The following TAOK1 variants were observed in gnomAD, a reference collection of about 807,000 sequenced individuals.
TAOK1 encodes the protein TAO kinase 1, also known as serine/threonine-protein kinase TAO1.
TAOK1 carries 21 observed loss-of-function variants against 138.3 expected under a neutral mutation model. The observed-to-expected ratio is 0.15, with a 90% CI of 0.11 to 0.22. The LOEUF (loss-of-function observed/expected upper bound fraction) is 0.22. Among genes scored for constraint, TAOK1 ranks in the 10% least tolerant of loss-of-function variants. TAOK1 has a pLI of 1.00. For missense variants in TAOK1, 651 were observed against 1,227.7 expected, an observed-to-expected ratio of 0.53 and a Z score of 7.02; for synonymous variants, 361 against 398.4, an observed-to-expected ratio of 0.91 and a Z score of 1.12.
intron 8 of TAOK1, among the ~76,000 whole-genome samples, chr17:29,489,106 AG>A (rs955580275): frequency 1.3e-5 from 2 of 152,204 alleles, no homozygotes; most frequent in Admixed American, 1.3e-4. Context: ...ACGATGCTTT[AG>A]GAAAATGTTC....
chr17:29,491,954 C>T (rs965094257), intron 10 of TAOK1, 89 bp downstream of exon 10: 97 of 964,908 alleles, frequency 1.0e-4, no homozygotes, highest in Admixed American at 9.4e-5. Context: ...GGCACAATCA[C>T]GTCTCCTGCA....
At chr17:29,450,564 T>C (rs2153024170) in intron 1 of TAOK1, among the ~76,000 whole-genome samples, 1 of 152,168 alleles carries the variant, frequency 6.6e-6, no homozygotes, top group East Asian at 1.9e-4. Context: ...CAGGCTGGAG[T>C]GCGGTGGTGT....
chr17:29,502,784 A>C (rs769549873), intron 13 of TAOK1, 61 bp downstream of exon 13: 76 of 1,553,642 alleles, frequency 4.9e-5, no homozygotes, highest in Non-Finnish European at 6.5e-5. Flanking sequence ...GGCAATATAA[A>C]CTCAAGTATA....
Position 29,455,437 on chromosome 17 carries a change from CTTT to C in TAOK1, c.132+3758_132+3760del, listed in dbSNP as rs2030351008. On this transcript the variant is annotated intron_variant, in intron 2 of 19. Coordinates refer to ENST00000261716, the MANE Select transcript of TAOK1 (RefSeq NM_020791.4). ...TTTGCAAATGGAGATGGTTTTACTT[CTTT>C]CTTTTCAACTTGAATGGCTTTCGTT... 4.0e-5 allele frequency among the ~76,000 whole-genome samples: 6 copies of C among 150,382 alleles called. 1 individual carries two copies. Among genetic ancestry groups the C allele is most frequent in the African/African-American group, 1.5e-4 (6 of 39,754 alleles).
At chr17:29,433,581 G>A (rs1905923153) in intron 1 of TAOK1, among the ~76,000 whole-genome samples, 1 of 152,068 alleles carries the variant, frequency 6.6e-6, no homozygotes, top group Non-Finnish European at 1.5e-5. Flanking sequence ...GGTGAGTAAA[G>A]CAGAGGGTTT....
intron 2 of TAOK1, among the ~76,000 whole-genome samples, chr17:29,465,919 G>A (rs1367932264): frequency 7.7e-6 from 1 of 129,138 alleles, no homozygotes; most frequent in Non-Finnish European, 1.6e-5. Context: ...TAAGGAGTCT[G>A]GTCTTGATCC....
intron 1 of TAOK1, among the ~76,000 whole-genome samples, chr17:29,419,485 C>T (rs546861916): frequency 2.7e-5 from 4 of 146,804 alleles, no homozygotes; most frequent in South Asian, 4.3e-4. Flanking sequence ...CCACTGCGCC[C>T]GGCAGTATTT....
chr17:29,501,798 A>G (rs529174771), intron 12 of TAOK1, among the ~76,000 whole-genome samples: 2 of 151,868 alleles, frequency 1.3e-5, no homozygotes, highest in Middle Eastern at 3.4e-3. Flanking sequence ...ACATATTGGG[A>G]GGCCAAGGCA....
chr17:29,444,225 T>C (rs1444768155), intron 1 of TAOK1, among the ~76,000 whole-genome samples: 1 of 152,220 alleles, frequency 6.6e-6, no homozygotes, highest in Non-Finnish European at 1.5e-5. Flanking sequence ...GAGTCTAGGA[T>C]TGCTGTGAAA....
chr17:29,400,526 C>T (rs1192414127), intron 1 of TAOK1, among the ~76,000 whole-genome samples: 3 of 152,038 alleles, frequency 2.0e-5, no homozygotes, highest in Admixed American at 2.0e-4. Flanking sequence ...ATTCAGAGTA[C>T]CCATGCTCTT....
At chr17:29,496,613 G>A (rs1417142973) in intron 11 of TAOK1, among the ~76,000 whole-genome samples, 28 of 137,352 alleles carry the variant, frequency 2.0e-4, no homozygotes, top group South Asian at 6.8e-4. Context: ...TTAAAGACAG[G>A]GTCTTGCTCT....
chr17:29,416,605 T>C (rs1046878801), intron 1 of TAOK1, among the ~76,000 whole-genome samples: 1 of 152,210 alleles, frequency 6.6e-6, no homozygotes, highest in South Asian at 2.1e-4. Context: ...ATTGAGTGGC[T>C]TCTTTCCTTA....
rs3058623 is a variant in TAOK1 at position 29,465,837 on chromosome 17, CTTTTTTTTTTTTT to C, written c.133-1293_133-1281del. Among the ~76,000 whole-genome samples, 30 of 45,454 alleles carry C rather than the reference CTTTTTTTTTTTTT, an allele frequency of 6.6e-4. 1 individual carries two copies. The highest frequency in any genetic ancestry group is 8.0e-4 in the African/African-American group (7 of 8,726). The allele number at this position is 45,454 out of a possible 152,430, so 29.8% of individuals were successfully genotyped here. Reference sequence around the variant, plus strand: ...AAGAGTTAACTGTCAAGTTTCTGTGCTTTTTTTTTTTTTTTTTTTTTTTTTTTCAGATTTTCCA... The same window carrying C: ...AAGAGTTAACTGTCAAGTTTCTGTGCTTTTTTTTTTTTTTCAGATTTTCCA... On this transcript the variant is annotated intron_variant, in intron 2 of 19. Coordinates refer to ENST00000261716, the MANE Select transcript of TAOK1 (RefSeq NM_020791.4).
At position 29,451,491 on chromosome 17, in the gene TAOK1, A is replaced by G; in HGVS notation, c.-58A>G. 4 of 1,523,058 alleles carry G rather than the reference A, an allele frequency of 2.6e-6. No individual in the cohort carries two copies. Among genetic ancestry groups the G allele is most frequent in the Non-Finnish European group, 3.5e-6 (4 of 1,136,994 alleles). 94.3% of individuals were successfully genotyped at this position (1,523,058 alleles called of 1,614,324 possible). A position where few individuals can be genotyped will look rare whatever the true frequency, so the allele number is the denominator to read the frequency against. ...AACGTGACTTCATTCATACAGATGAACCAAGGATCGGGATAGCAGTATAAA... is the reference window on the plus strand; with the variant it reads ...AACGTGACTTCATTCATACAGATGAGCCAAGGATCGGGATAGCAGTATAAA... On this transcript the variant is annotated 5_prime_UTR_variant, in exon 2 of 20. Transcript: ENST00000261716.
chr17:29,475,528 A>G, intron 3 of TAOK1, 142 bp from the exon 4 acceptor site: 1 of 597,622 alleles, frequency 1.7e-6, no homozygotes, highest in Non-Finnish European at 2.9e-6. Flanking sequence ...TGAAAGAGCA[A>G]GACCCTCCCA....
At chr17:29,471,940 T>G (rs1261545241) in intron 3 of TAOK1, among the ~76,000 whole-genome samples, 2 of 152,252 alleles carry the variant, frequency 1.3e-5, no homozygotes, top group African/African-American at 4.8e-5. Context: ...AAATAGTTTC[T>G]CATCCACTCA....
At position 29,534,199 on chromosome 17, in the gene TAOK1, T is replaced by A. The variant is rs1325828901; in HGVS notation, c.2443T>A (p.Tyr815Asn). 6.2e-7 allele frequency: 1 copy of A among 1,613,790 alleles called. No homozygotes were observed. The highest frequency in any genetic ancestry group is 1.7e-5 in the Admixed American group (1 of 59,972). Residue 815 changes from tyrosine to asparagine, a missense_variant, in exon 19 of 20, where the codon TAT (tyrosine) becomes AAT (asparagine). Physicochemically the swap from Tyr to Asn is moderately radical, Grantham distance 143. Coordinates refer to ENST00000261716, the MANE Select transcript of TAOK1 (RefSeq NM_020791.4). ...LQQELELLNA[Y>N]QSKIKMQAEA... ...GCAGGAACTGGAGCTGTTGAATGCG[T>A]ATCAGAGCAAAATCAAGATGCAAGC...
At chr17:29,459,587 T>C (rs1238285909) in intron 2 of TAOK1, among the ~76,000 whole-genome samples, 3 of 152,204 alleles carry the variant, frequency 2.0e-5, no homozygotes, top group South Asian at 4.1e-4. Context: ...TCATTCTTTT[T>C]TTATGGCCGA....
At position 29,468,553 on chromosome 17, in the gene TAOK1, CT is replaced by C. The variant is rs34030976; in HGVS notation, c.204+1349del. Among the ~76,000 whole-genome samples the C allele has an allele frequency of 1.0e-3, 148 of 145,694 alleles. 1 individual carries two copies. Among genetic ancestry groups the C allele is most frequent in the African/African-American group, 1.4e-3 (54 of 39,750 alleles). The stretch of plus-strand genomic sequence containing the variant: ...GACAGTAAATTATACTGGATATGAT[CT>C]TTTTTTTTTTTGAGACAGAGCATCT... On this transcript the variant is annotated intron_variant, in intron 3 of 19. Coordinates refer to ENST00000261716, the MANE Select transcript of TAOK1 (RefSeq NM_020791.4).
Sources: gnomAD v4.1 joint callset for allele counts (sites outside exome capture counted in the v4.1 genomes callset) on GRCh38, gnomAD v4.1.1 for gene constraint, MANE v1.5 for transcripts, NCBI Gene and HGNC (gene_info 2026-07-23, HGNC 2026-07-21) for gene names.